Variants in DTWD2 observed in about 807,000 individuals in gnomAD.
The protein encoded by DTWD2 is tRNA-uridine aminocarboxypropyltransferase 2.
Under a neutral mutation model 31.8 loss-of-function variants are expected in DTWD2, and 39 were observed. That is an observed-to-expected ratio of 1.22 (90% CI 0.95 to 1.60). The LOEUF is 1.60. Ranked by LOEUF, DTWD2 falls within the 40% of genes most tolerant of loss-of-function variation. The pLI is 0.00. For missense variants in DTWD2, 515 were observed against 381.5 expected (o/e 1.35, Z -2.92); for synonymous variants, 180 against 142.8 (o/e 1.26, Z -1.86).
At chr5:118,863,684 G>C (rs1040086975) in intron 4 of DTWD2, among the ~76,000 whole-genome samples, 1 of 152,150 alleles carries the variant, frequency 6.6e-6, no homozygotes, top group African/African-American at 2.4e-5. Context: ...CATGCAGCTT[G>C]AGATGAAAAG....
intron 4 of DTWD2, among the ~76,000 whole-genome samples, chr5:118,903,468 T>C (rs569918066): frequency 5.3e-5 from 8 of 152,176 alleles, no homozygotes; most frequent in Non-Finnish European, 1.0e-4. Flanking sequence ...AGAATATTAA[T>C]CAGTGTTAAA....
chr5:118,871,364 G>A (rs935221919), intron 4 of DTWD2, among the ~76,000 whole-genome samples: 10 of 152,064 alleles, frequency 6.6e-5, no homozygotes, highest in African/African-American at 9.7e-5. Flanking sequence ...TAATGACATC[G>A]AGAATGGTGA....
intron 4 of DTWD2, among the ~76,000 whole-genome samples, chr5:118,918,325 T>C (rs938225390): frequency 1.3e-5 from 2 of 151,056 alleles, no homozygotes; most frequent in South Asian, 2.1e-4. Context: ...ATCAGTCAGG[T>C]TTTTTTTTAT....
chr5:118,925,195 G>T (rs530960297), intron 4 of DTWD2, among the ~76,000 whole-genome samples: 1 of 152,210 alleles, frequency 6.6e-6, no homozygotes, highest in Admixed American at 6.5e-5. Flanking sequence ...GGAATGCAGG[G>T]ATAACATCGT....
chr5:118,899,335 T>G (rs972941248), intron 4 of DTWD2, among the ~76,000 whole-genome samples: 1 of 152,212 alleles, frequency 6.6e-6, no homozygotes. Context: ...ATATGGTGTA[T>G]GTAAACAGAA....
At chr5:118,908,117 G>A (rs1192139321) in intron 4 of DTWD2, among the ~76,000 whole-genome samples, 2 of 152,102 alleles carry the variant, frequency 1.3e-5, no homozygotes, top group African/African-American at 4.8e-5. Context: ...CAGGACTTCT[G>A]TGTCCATGAA....
chr5:118,851,234 A>G lies in DTWD2; in HGVS notation c.598-3016T>C, dbSNP rs184700882. 4.6e-4 allele frequency among the ~76,000 whole-genome samples: 69 copies of G among 151,552 alleles called. No individual in the cohort carries two copies. In the East Asian group the frequency reaches 0.011, roughly 25 times the overall value. On this transcript the variant is annotated intron_variant, in intron 4 of 5. Transcript: ENST00000510708. ...ACCCTATCTCAAAAAAAAAAAAAAA[A>G]AAAAGAAAGAAAAAACTATCAGGGT...
At chr5:118,905,807 C>T (rs1289617211) in intron 4 of DTWD2, among the ~76,000 whole-genome samples, 1 of 152,078 alleles carries the variant, frequency 6.6e-6, no homozygotes, top group Non-Finnish European at 1.5e-5. Context: ...GTAAAATGAG[C>T]TAACTAATCT....
chr5:118,942,006 G>A (rs1412822427), intron 2 of DTWD2, among the ~76,000 whole-genome samples: 4 of 152,134 alleles, frequency 2.6e-5, no homozygotes, highest in African/African-American at 7.2e-5. Flanking sequence ...CATATCCTTT[G>A]TCCACTTTTT....
chr5:118,973,692 C>A, intron 1 of DTWD2: 5 of 1,387,448 alleles, frequency 3.6e-6, no homozygotes, highest in Non-Finnish European at 5.0e-6. Context: ...GCCTCCGCCA[C>A]GCGCCTCCTC....
At chr5:118,974,100 A>T (rs935177377) in intron 1 of DTWD2, 1 of 1,597,028 alleles carries the variant, frequency 6.3e-7, no homozygotes, top group African/African-American at 1.3e-5. Context: ...GATACCAAGA[A>T]GCAGAAGACC....
chr5:118,974,649 G>T (rs1373313829), intron 1 of DTWD2: 1 of 509,434 alleles, frequency 2.0e-6, no homozygotes, highest in Non-Finnish European at 4.0e-6. Flanking sequence ...TAAGTAGTTG[G>T]TTTGTATGAG....
chr5:118,927,748 C>T (rs995130932), intron 4 of DTWD2, among the ~76,000 whole-genome samples: 3 of 152,040 alleles, frequency 2.0e-5, no homozygotes, highest in Admixed American at 6.5e-5. Flanking sequence ...TTAAAAGCTA[C>T]CATTTTTAAA....
chr5:118,887,988 T>A (rs936696386), intron 4 of DTWD2, among the ~76,000 whole-genome samples: 1 of 152,196 alleles, frequency 6.6e-6, no homozygotes, highest in Non-Finnish European at 1.5e-5. Context: ...CAATACCATC[T>A]GCAACTGTGC....
chr5:118,869,063 T>C (rs1752444149), intron 4 of DTWD2, among the ~76,000 whole-genome samples: 1 of 152,050 alleles, frequency 6.6e-6, no homozygotes. Context: ...AAAAGGAAAG[T>C]TATTATTTAA....
intron 4 of DTWD2, among the ~76,000 whole-genome samples, chr5:118,852,988 A>G (rs1218584363): frequency 6.6e-6 from 1 of 152,156 alleles, no homozygotes; most frequent in Non-Finnish European, 1.5e-5. Context: ...ACATGTTCTC[A>G]TATGTAAGTG....
chr5:118,920,649 T>C (rs867484146), intron 4 of DTWD2, among the ~76,000 whole-genome samples: 5 of 152,176 alleles, frequency 3.3e-5, no homozygotes, highest in African/African-American at 9.7e-5. Flanking sequence ...TTCAAAAATA[T>C]TGAACTAAAT....
Position 118,988,462 on chromosome 5 carries a change from G to A in DTWD2, c.50C>T (p.Pro17Leu), listed in dbSNP as rs780370249. ...CGTCTGAGAGCTTGAGGCCCCAGAA[G>A]GCCGCGCAACGGGCTCCTGGAGTGT... ...ARTLQEPVAR[P>L]SGASSSQTPN... is the part of the protein sequence containing the mutation. The change falls in exon 1 of 6, where the codon CCT (proline) becomes CTT (leucine). Residue 17 changes from proline (P) to leucine (L), a missense_variant. By Grantham distance (98) the Pro-to-Leu change is moderately conservative. Coordinates refer to ENST00000510708, the MANE Select transcript of DTWD2 (RefSeq NM_173666.4). The A allele has an allele frequency of 1.2e-6, 2 of 1,605,892 alleles. No individual in the cohort carries two copies. The highest frequency in any genetic ancestry group is 2.7e-5 in the African/African-American group (2 of 73,788).
At chr5:118,934,954 T>C (rs1294018561) in intron 3 of DTWD2, among the ~76,000 whole-genome samples, 1 of 152,160 alleles carries the variant, frequency 6.6e-6, no homozygotes, top group Non-Finnish European at 1.5e-5. Flanking sequence ...CTAAAATCCT[T>C]AGAATCTTCA....
Sources: gnomAD v4.1 joint callset for allele counts (sites outside exome capture counted in the v4.1 genomes callset) on GRCh38, gnomAD v4.1.1 for gene constraint, MANE v1.5 for transcripts, NCBI Gene and HGNC (gene_info 2026-07-23, HGNC 2026-07-21) for gene names.